The following FTO variants were observed in gnomAD, a reference collection of about 807,000 sequenced individuals.
FTO encodes FTO alpha-ketoglutarate dependent dioxygenase, also known as alpha-ketoglutarate-dependent dioxygenase FTO.
Under a neutral mutation model 63.9 loss-of-function variants are expected in FTO, and 47 were observed. The ratio of observed to expected loss-of-function variants is 0.74; its 90% CI spans 0.58 to 0.94. FTO has a LOEUF of 0.94. FTO is among the 40% of genes least tolerant of loss of function. The pLI is 0.00. For synonymous variants in FTO, 207 were observed against 224.4 expected (o/e 0.92, Z 0.69); for missense variants, 562 against 618.1 (o/e 0.91, Z 0.96).
At chr16:53,923,455 A>G (rs1050564623) in intron 7 of FTO, among the ~76,000 whole-genome samples, 2 of 152,180 alleles carry the variant, frequency 1.3e-5, no homozygotes, top group Admixed American at 6.5e-5. Context: ...TCTGTTCCAT[A>G]TGGCCAGCCA....
At chr16:53,874,007 C>T in intron 5 of FTO, 142 bp downstream of exon 5, 1 of 675,384 alleles carries the variant, frequency 1.5e-6, no homozygotes, top group Non-Finnish European at 2.7e-6. Context: ...TGTTTACTTG[C>T]TTTTTGAGCT....
At chr16:54,081,669 G>T (rs748415460) in intron 8 of FTO, among the ~76,000 whole-genome samples, 2 of 152,176 alleles carry the variant, frequency 1.3e-5, no homozygotes, top group Non-Finnish European at 2.9e-5. Context: ...TAGGGCATGT[G>T]TAGGAATAGT....
At chr16:53,967,207 C>T (rs1567481205) in intron 8 of FTO, among the ~76,000 whole-genome samples, 1 of 152,000 alleles carries the variant, frequency 6.6e-6, no homozygotes, top group Non-Finnish European at 1.5e-5. Context: ...TGTTTGTGCT[C>T]TCCCTTGATC....
At chr16:53,775,399 C>G (rs1360995175) in intron 1 of FTO, among the ~76,000 whole-genome samples, 1 of 152,164 alleles carries the variant, frequency 6.6e-6, no homozygotes, top group African/African-American at 2.4e-5. Context: ...ATTGCTGTCT[C>G]CTTGTTCAGG....
intron 4 of FTO, among the ~76,000 whole-genome samples, chr16:53,854,936 T>C (rs1310576241): frequency 1.3e-5 from 2 of 152,202 alleles, no homozygotes; most frequent in Non-Finnish European, 2.9e-5. Context: ...TTTCTATTCA[T>C]TTGTGTCATC....
At chr16:53,988,970 C>T (rs2083736318) in intron 8 of FTO, among the ~76,000 whole-genome samples, 1 of 152,020 alleles carries the variant, frequency 6.6e-6, no homozygotes. Context: ...TTTTGGGAGA[C>T]CTAGGTGCCA....
intron 3 of FTO, 94 bp from the exon 4 acceptor site, chr16:53,844,061 A>T: frequency 1.0e-6 from 1 of 952,490 alleles, no homozygotes; most frequent in South Asian, 1.6e-5. Flanking sequence ...TTCATATTTT[A>T]TTAAAATATC....
At chr16:54,028,058 T>C (rs2084753486) in intron 8 of FTO, among the ~76,000 whole-genome samples, 2 of 152,152 alleles carry the variant, frequency 1.3e-5, no homozygotes, top group South Asian at 2.1e-4. Context: ...CTAGTACACA[T>C]TGTTAGATAA....
intron 7 of FTO, among the ~76,000 whole-genome samples, chr16:53,896,380 T>C (rs893277091): frequency 5.3e-5 from 8 of 152,084 alleles, no homozygotes; most frequent in Admixed American, 2.0e-4. Flanking sequence ...GTTATTTACT[T>C]TATTATAATT....
chr16:53,907,369 G>A (rs977299280), intron 7 of FTO, among the ~76,000 whole-genome samples: 3 of 152,178 alleles, frequency 2.0e-5, no homozygotes, highest in South Asian at 2.1e-4. Context: ...ACAGTACACT[G>A]TAGAGTACAG....
chr16:53,720,795 TTC>T (rs1365263790), intron 1 of FTO, among the ~76,000 whole-genome samples: 2 of 151,822 alleles, frequency 1.3e-5, no homozygotes, highest in Non-Finnish European at 1.5e-5. Flanking sequence ...TTTTCTTTTT[TTC>T]TTTGAGACAG....
At chr16:53,913,004 C>T (rs116457323) in intron 7 of FTO, among the ~76,000 whole-genome samples, 2,433 of 152,284 alleles carry the variant, frequency 0.016, 52 homozygotes, top group African/African-American at 0.055. Context: ...TTATAATTAT[C>T]TGAGAGCTGG....
intron 8 of FTO, among the ~76,000 whole-genome samples, chr16:53,944,745 T>C (rs1378944148): frequency 2.6e-5 from 4 of 152,160 alleles, no homozygotes; most frequent in Non-Finnish European, 5.9e-5. Flanking sequence ...ATTAAGTGAT[T>C]AAATGTAAAA....
chr16:53,998,331 A>G (rs535707858), intron 8 of FTO: 2 of 152,390 alleles, frequency 1.3e-5, no homozygotes, highest in South Asian at 2.1e-4. Flanking sequence ...AAAAGGGATC[A>G]GCTATTAAAG....
chr16:53,844,760 AAGTTGTT>A (rs2079573008), intron 4 of FTO, among the ~76,000 whole-genome samples: 1 of 130,252 alleles, frequency 7.7e-6, no homozygotes, highest in South Asian at 2.6e-4. Context: ...GCCCAATTAA[AAGTTGTT>A]TTTCTTTTTA....
intron 1 of FTO, among the ~76,000 whole-genome samples, chr16:53,796,274 C>T (rs1331753023): frequency 6.6e-6 from 1 of 152,050 alleles, no homozygotes; most frequent in African/African-American, 2.4e-5. Flanking sequence ...GAACTCCTGA[C>T]CTCAGGTGAT....
At chr16:53,779,522 T>C (rs1431419705) in intron 1 of FTO, among the ~76,000 whole-genome samples, 1 of 152,208 alleles carries the variant, frequency 6.6e-6, no homozygotes, top group Admixed American at 6.5e-5. Flanking sequence ...TTTGGTGCAC[T>C]CCCAATTTAC....
intron 8 of FTO, among the ~76,000 whole-genome samples, chr16:54,109,362 G>T (rs780624392): frequency 1.4e-4 from 21 of 152,010 alleles, no homozygotes; most frequent in Non-Finnish European, 2.1e-4. Context: ...AAAGAGTCTT[G>T]CTCTGTTGCC....
chr16:53,863,794 G>C (rs954660124), intron 4 of FTO, among the ~76,000 whole-genome samples: 10 of 152,232 alleles, frequency 6.6e-5, no homozygotes, highest in South Asian at 2.1e-4. Context: ...TGAGCATTTT[G>C]CTCAGGATTT....
Sources: allele counts gnomAD v4.1 joint callset (sites outside exome capture counted in the v4.1 genomes callset), GRCh38; gene constraint gnomAD v4.1.1; transcripts MANE v1.5; gene names NCBI Gene and HGNC (gene_info 2026-07-23, HGNC 2026-07-21).